RAP1A: variants seen among roughly 807,000 people sequenced by gnomAD.
RAP1A encodes ras-related protein Rap-1A.
RAP1A carries 6 observed loss-of-function variants against 26.4 expected under a neutral mutation model. The observed-to-expected ratio is 0.23, with a 90% CI of 0.12 to 0.45. The LOEUF (loss-of-function observed/expected upper bound fraction) is 0.45, where lower values mean the gene tolerates loss of function less well. RAP1A is among the 20% of genes least tolerant of loss of function. RAP1A has a pLI of 0.99. For synonymous variants in RAP1A, 73 were observed against 79.4 expected (o/e 0.92, Z 0.43); for missense variants, 121 against 217.2 (o/e 0.56, Z 2.78).
At chr1:111,643,174 AT>A (rs920262623) in intron 1 of RAP1A, among the ~76,000 whole-genome samples, 3 of 152,190 alleles carry the variant, frequency 2.0e-5, no homozygotes, top group African/African-American at 7.2e-5. Flanking sequence ...GGTGAAAGCC[AT>A]TTACATAAGC....
intron 1 of RAP1A, among the ~76,000 whole-genome samples, chr1:111,625,782 C>G (rs573894030): frequency 6.6e-6 from 1 of 152,066 alleles, no homozygotes; most frequent in Admixed American, 6.6e-5. Context: ...TCTTCCTCTT[C>G]TTTTTTCTTT....
At position 111,715,999 on chromosome 1, in the gene RAP1A, A is replaced by G. The variant is rs944009650; in HGVS notation, c.*3598A>G. 2 of 152,270 alleles carry G rather than the reference A, an allele frequency of 1.3e-5. No homozygotes were observed. Among genetic ancestry groups the G allele is most frequent in the Non-Finnish European group, 2.9e-5 (2 of 68,052 alleles). 9.4% of individuals were successfully genotyped at this position (152,270 alleles called of 1,614,324 possible). ...AAGCAATCACAGCAGAATGCTAGAA[A>G]ACATAAAATATACTCTTATAAATTG... On this transcript the variant is annotated 3_prime_UTR_variant, in exon 8 of 8. Coordinates refer to ENST00000369709, the MANE Select transcript of RAP1A (RefSeq NM_002884.4).
chr1:111,565,811 C>G (rs1007067963), intron 1 of RAP1A, among the ~76,000 whole-genome samples: 1 of 152,070 alleles, frequency 6.6e-6, no homozygotes, highest in African/African-American at 2.4e-5. Flanking sequence ...ACTACAAAAT[C>G]TACAATTAAA....
At chr1:111,608,345 C>T (rs9708484) in intron 1 of RAP1A, 6,380 of 166,092 alleles carry the variant, frequency 0.038, 183 homozygotes, top group African/African-American at 0.1. Context: ...GATGGGATGG[C>T]GACCGGGAAG....
chr1:111,688,305 A>G (rs866297124), intron 1 of RAP1A, among the ~76,000 whole-genome samples: 3 of 132,238 alleles, frequency 2.3e-5, no homozygotes, highest in African/African-American at 6.1e-5. Flanking sequence ...GTGTGTATAT[A>G]TATTTTTTTC....
At chr1:111,607,338 G>C (rs1658806577) in intron 1 of RAP1A, among the ~76,000 whole-genome samples, 1 of 152,086 alleles carries the variant, frequency 6.6e-6, no homozygotes, top group African/African-American at 2.4e-5. Context: ...AGGGTTGGGG[G>C]TAAGGTCACA....
chr1:111,664,373 CAAAAA>C (rs57610280), intron 1 of RAP1A, among the ~76,000 whole-genome samples: 35 of 89,864 alleles, frequency 3.9e-4, no homozygotes, highest in Admixed American at 2.7e-3. Flanking sequence ...GACTCCGTCT[CAAAAA>C]AAAAAAAAAA....
intron 1 of RAP1A, among the ~76,000 whole-genome samples, chr1:111,675,429 G>A (rs964459733): frequency 1.3e-5 from 2 of 152,110 alleles, no homozygotes; most frequent in African/African-American, 4.8e-5. Flanking sequence ...CCGAGATCGC[G>A]CCACTGCACT....
chr1:111,557,373 C>T (rs1411563543), intron 1 of RAP1A, among the ~76,000 whole-genome samples: 1 of 151,832 alleles, frequency 6.6e-6, no homozygotes, highest in Non-Finnish European at 1.5e-5. Flanking sequence ...ACGGTGAAAC[C>T]CTGTCTCTAC....
At chr1:111,614,619 A>C (rs1472775474) in intron 1 of RAP1A, among the ~76,000 whole-genome samples, 1 of 152,184 alleles carries the variant, frequency 6.6e-6, no homozygotes, top group Non-Finnish European at 1.5e-5. Flanking sequence ...AAATGTACCT[A>C]GTCTGTTTCT....
In RAP1A at chr1:111,601,604, A is replaced by T. The variant is rs1193992385; in HGVS notation, c.-28+59095A>T. 4.6e-5 allele frequency among the ~76,000 whole-genome samples: 7 copies of T among 152,152 alleles called. No homozygotes were observed. The South Asian group carries it at 1.5e-3, about 32-fold the overall frequency. The stretch of plus-strand genomic sequence containing the variant: ...AGTAGAGAAACAAACACTCAGGAAA[A>T]AACTCACCCTTCCTGTCTATGTACC... On this transcript the variant is annotated intron_variant, in intron 1 of 7. Coordinates refer to the RAP1A transcript ENST00000356415.
At chr1:111,543,002 T>C (rs1215453291) in intron 1 of RAP1A, among the ~76,000 whole-genome samples, 1 of 152,200 alleles carries the variant, frequency 6.6e-6, no homozygotes, top group Non-Finnish European at 1.5e-5. Context: ...CGCCCGGCCA[T>C]GTATTTGTTT....
At chr1:111,630,077 T>C (rs1659523283) in intron 1 of RAP1A, among the ~76,000 whole-genome samples, 1 of 152,234 alleles carries the variant, frequency 6.6e-6, no homozygotes, top group South Asian at 2.1e-4. Context: ...AAATAAATTA[T>C]TAAATTAAGT....
chr1:111,641,149 A>G (rs1659878629), intron 1 of RAP1A, among the ~76,000 whole-genome samples: 1 of 152,200 alleles, frequency 6.6e-6, no homozygotes, highest in Non-Finnish European at 1.5e-5. Context: ...GCATATATAG[A>G]AATAATTAGT....
intron 1 of RAP1A, among the ~76,000 whole-genome samples, chr1:111,569,142 C>T (rs1218040459): frequency 6.6e-6 from 1 of 152,082 alleles, no homozygotes; most frequent in Non-Finnish European, 1.5e-5. Context: ...GTGGCTCACG[C>T]CTGTAATCCC....
chr1:111,652,664 A>G (rs998017235), intron 1 of RAP1A, among the ~76,000 whole-genome samples: 3 of 152,076 alleles, frequency 2.0e-5, no homozygotes, highest in Non-Finnish European at 2.9e-5. Flanking sequence ...CCATAATGAG[A>G]TATTATTTCA....
chr1:111,596,668 C>A (rs1351425361), intron 1 of RAP1A, among the ~76,000 whole-genome samples: 1 of 152,256 alleles, frequency 6.6e-6, no homozygotes, highest in Non-Finnish European at 1.5e-5. Flanking sequence ...AGTCCCAAAT[C>A]TGCAGTGCTG....
At chr1:111,639,156 G>C (rs1251644634) in intron 1 of RAP1A, among the ~76,000 whole-genome samples, 2 of 151,834 alleles carry the variant, frequency 1.3e-5, no homozygotes. Flanking sequence ...TTACATTTCT[G>C]GTAATGTGTT....
chr1:111,581,021 G>A (rs954998299), intron 1 of RAP1A, among the ~76,000 whole-genome samples: 1 of 112,390 alleles, frequency 8.9e-6, no homozygotes, highest in African/African-American at 2.6e-5. Flanking sequence ...TGTCACACAG[G>A]CCAATCAAGA....
Sources: allele counts gnomAD v4.1 joint callset (sites outside exome capture counted in the v4.1 genomes callset), GRCh38; gene constraint gnomAD v4.1.1; transcripts MANE v1.5; gene names NCBI Gene and HGNC (gene_info 2026-07-23, HGNC 2026-07-21).